The following ADAMTS19 variants were observed in gnomAD, a reference collection of about 807,000 sequenced individuals.
The protein encoded by ADAMTS19 is ADAM metallopeptidase with thrombospondin type 1 motif 19.
A neutral mutation model predicts 153.3 loss-of-function variants in ADAMTS19; 93 were observed. That is an observed-to-expected ratio of 0.61 (90% CI 0.51 to 0.72). The LOEUF (loss-of-function observed/expected upper bound fraction) is 0.72, where lower values mean the gene tolerates loss of function less well. Among genes scored for constraint, ADAMTS19 ranks in the 30% least tolerant of loss-of-function variants. The pLI, the probability that ADAMTS19 is intolerant of heterozygous loss-of-function variation, is 0.00. For missense variants in ADAMTS19, 1,482 were observed against 1,552.1 expected (o/e 0.95, Z 0.76); for synonymous variants, 600 against 556.6 (o/e 1.08, Z -1.10).
At chr5:129,590,487 A>T (rs547786888) in intron 7 of ADAMTS19, among the ~76,000 whole-genome samples, 105 of 152,034 alleles carry the variant, frequency 6.9e-4, no homozygotes, top group African/African-American at 2.4e-3. Context: ...TATTACACTC[A>T]CTCCTTTCTC....
At chr5:129,529,922 C>A (rs1752140607) in intron 6 of ADAMTS19, among the ~76,000 whole-genome samples, 1 of 151,974 alleles carries the variant, frequency 6.6e-6, no homozygotes, top group Non-Finnish European at 1.5e-5. Flanking sequence ...CTTGTGACAC[C>A]TTATCAACAT....
At chr5:129,596,721 T>C (rs1481283625) in intron 8 of ADAMTS19, 57 bp downstream of exon 8, 1 of 1,236,518 alleles carries the variant, frequency 8.1e-7, no homozygotes, top group African/African-American at 1.5e-5. Flanking sequence ...GTAATTCGAG[T>C]TACTGAATTA....
intron 7 of ADAMTS19, among the ~76,000 whole-genome samples, chr5:129,572,124 A>C (rs1753933225): frequency 6.6e-6 from 1 of 151,966 alleles, no homozygotes; most frequent in African/African-American, 2.4e-5. Flanking sequence ...CCATGAAAGG[A>C]AAAATGATAA....
At position 129,647,813 on chromosome 5, in the gene ADAMTS19, C is replaced by G; in HGVS notation, c.1921C>G (p.Leu641Val). The G allele has an allele frequency of 6.2e-7, 1 of 1,614,124 alleles. No homozygotes were observed. The highest frequency in any genetic ancestry group is 8.5e-7 in the Non-Finnish European group (1 of 1,180,006). ...CTSRTSAPEHLAGEWSLWSPC... is the reference protein window; with the variant it reads ...CTSRTSAPEHVAGEWSLWSPC... ...CAGCAGGACCTCAGCACCTGAACAT[C>G]TGGCCGGAGAGTGGAGCCTGTGGAG... The change falls in exon 12 of 23, where the codon CTG (leucine) becomes GTG (valine). Residue 641 changes from leucine (L) to valine (V), a missense_variant. By Grantham distance (32) the Leu-to-Val change is conservative. Around this residue, in one of 2 missense-constraint regions of ADAMTS19, gnomAD observed 616 missense variants for 724.4 expected, o/e 0.85. Coordinates refer to ENST00000274487, the MANE Select transcript of ADAMTS19 (RefSeq NM_133638.6).
chr5:129,734,880 A>T, intron 21 of ADAMTS19, 52 bp from the exon 22 acceptor site: 1 of 1,417,966 alleles, frequency 7.1e-7, no homozygotes, highest in Non-Finnish European at 9.4e-7. Flanking sequence ...AAATAATAAC[A>T]GCAAAAAATA....
chr5:129,711,533 C>T (rs542622896), intron 21 of ADAMTS19, among the ~76,000 whole-genome samples: 1 of 151,970 alleles, frequency 6.6e-6, no homozygotes, highest in African/African-American at 2.4e-5. Context: ...AAAAATTAGC[C>T]GGGCGTGGCA....
chr5:129,679,215 T>A (rs1167654325), intron 16 of ADAMTS19, among the ~76,000 whole-genome samples: 1 of 152,174 alleles, frequency 6.6e-6, no homozygotes. Context: ...CACAAACAGA[T>A]GTTAAAAGGT....
At chr5:129,661,142 T>C (rs1474590385) in intron 15 of ADAMTS19, among the ~76,000 whole-genome samples, 2 of 152,206 alleles carry the variant, frequency 1.3e-5, no homozygotes. Context: ...TTTAGTGATG[T>C]TTACCACATC....
intron 14 of ADAMTS19, among the ~76,000 whole-genome samples, chr5:129,658,309 A>AAG (rs1454863600): frequency 0.026 from 2,958 of 112,182 alleles, 49 homozygotes; most frequent in Middle Eastern, 0.063. Context: ...GAAAGAAAGA[A>AAG]AAAGAAAGAA....
intron 16 of ADAMTS19, 138 bp from the exon 17 acceptor site, chr5:129,679,626 C>A: frequency 2.6e-6 from 2 of 778,628 alleles, no homozygotes; most frequent in South Asian, 2.1e-5. Flanking sequence ...AAAAGAGCTG[C>A]CTCAAGTTTT....
intron 16 of ADAMTS19, among the ~76,000 whole-genome samples, chr5:129,669,910 C>T (rs1328363351): frequency 6.6e-6 from 1 of 151,772 alleles, no homozygotes; most frequent in Non-Finnish European, 1.5e-5. Flanking sequence ...TAACCTCATC[C>T]CTTTGTGGTC....
intron 9 of ADAMTS19, among the ~76,000 whole-genome samples, chr5:129,621,537 G>T (rs1340188454): frequency 6.6e-6 from 1 of 152,122 alleles, no homozygotes; most frequent in Non-Finnish European, 1.5e-5. Context: ...AATATATTCT[G>T]TGCATGCTGT....
chr5:129,704,231 T>C lies in ADAMTS19; in HGVS notation c.3160-8T>C. The C allele has an allele frequency of 6.2e-7, 1 of 1,610,346 alleles. No homozygotes were observed. The highest frequency in any genetic ancestry group is 8.5e-7 in the Non-Finnish European group (1 of 1,178,468). ...ACTTTATCTAAAACCTCTGATGTTATCTTCCAGTGTTCAGTCAAGTGTGGC... is the reference window on the plus strand; with the variant it reads ...ACTTTATCTAAAACCTCTGATGTTACCTTCCAGTGTTCAGTCAAGTGTGGC... On this transcript the variant is annotated splice_region_variant and splice_polypyrimidine_tract_variant and intron_variant, in intron 20 of 22. Coordinates refer to ENST00000274487, the MANE Select transcript of ADAMTS19 (RefSeq NM_133638.6).
chr5:129,625,506 CTTACTTTTT>C (rs1751991912), intron 10 of ADAMTS19, among the ~76,000 whole-genome samples: 1 of 152,098 alleles, frequency 6.6e-6, no homozygotes, highest in Non-Finnish European at 1.5e-5. Flanking sequence ...CTGTTGTTTC[CTTACTTTTT>C]AATGATTGCC....
At chr5:129,655,288 C>T (rs574234362) in intron 14 of ADAMTS19, among the ~76,000 whole-genome samples, 1 of 152,248 alleles carries the variant, frequency 6.6e-6, no homozygotes, top group East Asian at 1.9e-4. Context: ...AAAATCAGGC[C>T]ATTTACTCTC....
intron 16 of ADAMTS19, among the ~76,000 whole-genome samples, chr5:129,673,622 G>A (rs1323595806): frequency 3.3e-5 from 5 of 151,936 alleles, no homozygotes; most frequent in African/African-American, 1.2e-4. Context: ...CAATTGCTGA[G>A]TACAATCTCT....
chr5:129,610,976 G>A lies in ADAMTS19; in HGVS notation c.1479-9642G>A, dbSNP rs1446352768. ...GTTGTTCCCTGACTTTTTAATGATCGCCATTCTAACTGGTGTGAGATGGTA... is the reference window on the plus strand; with the variant it reads ...GTTGTTCCCTGACTTTTTAATGATCACCATTCTAACTGGTGTGAGATGGTA... On this transcript the variant is annotated intron_variant, in intron 8 of 22. Coordinates refer to ENST00000274487, the MANE Select transcript of ADAMTS19 (RefSeq NM_133638.6). 3.9e-5 allele frequency among the ~76,000 whole-genome samples: 6 copies of A among 152,166 alleles called. No homozygotes were observed. The South Asian group carries it at 6.2e-4, about 16-fold the overall frequency.
intron 3 of ADAMTS19, among the ~76,000 whole-genome samples, chr5:129,524,567 G>A (rs147432281): frequency 0.023 from 3,407 of 151,368 alleles, 139 homozygotes; most frequent in African/African-American, 0.078. Flanking sequence ...TCTGACAAAG[G>A]GCTAATATCC....
rs535481517 is a variant in ADAMTS19, at chr5:129,615,892, A to T, written c.1479-4726A>T. Reference sequence around the variant, plus strand: ...ATCCCAGTAGATAATACACTCTTTGAATGTAGGAACTGAGTCTTACTTATC... The same window carrying T: ...ATCCCAGTAGATAATACACTCTTTGTATGTAGGAACTGAGTCTTACTTATC... On this transcript the variant is annotated intron_variant, in intron 8 of 22. Coordinates refer to ENST00000274487, the MANE Select transcript of ADAMTS19 (RefSeq NM_133638.6). Among the ~76,000 whole-genome samples the T allele has an allele frequency of 4.3e-4, 66 of 151,974 alleles. 1 individual carries two copies. The highest frequency in any genetic ancestry group is 8.7e-4 in the Non-Finnish European group (59 of 67,922).
Sources: allele counts gnomAD v4.1 joint callset (sites outside exome capture counted in the v4.1 genomes callset), GRCh38; gene constraint gnomAD v4.1.1; regional missense constraint gnomAD v4.1.1; transcripts MANE v1.5; gene names NCBI Gene and HGNC (gene_info 2026-07-23, HGNC 2026-07-21).